The following FOXP2 variants were observed in gnomAD, a reference collection of about 807,000 sequenced individuals.
The protein encoded by FOXP2 is forkhead box P2.
FOXP2 carries 12 observed loss-of-function variants against 115.8 expected under a neutral mutation model. The observed-to-expected ratio is 0.10, with a 90% CI of 0.07 to 0.17. FOXP2 has a LOEUF of 0.17. Ranked by LOEUF, FOXP2 falls within the 10% of genes least tolerant of loss-of-function variation. The pLI is 1.00. For synonymous variants in FOXP2, 328 were observed against 297.7 expected (o/e 1.10, Z -1.05); for missense variants, 629 against 843.5 (o/e 0.75, Z 3.15).
At chr7:114,642,114 A>G (rs889237998) in intron 6 of FOXP2, among the ~76,000 whole-genome samples, 3 of 151,848 alleles carry the variant, frequency 2.0e-5, no homozygotes, top group Non-Finnish European at 2.9e-5. Flanking sequence ...CCCTAGTTCA[A>G]TTTTTAAATG....
Position 114,658,329 on chromosome 7 carries a change from A to G in FOXP2, c.1468+62A>G, listed in dbSNP as rs1407127029. 7 of 1,516,210 alleles carry G rather than the reference A, an allele frequency of 4.6e-6. No homozygotes were observed. The East Asian group carries it at 1.6e-4, about 35-fold the overall frequency. 93.9% of individuals were successfully genotyped at this position (1,516,210 alleles called of 1,614,324 possible). A position where few individuals can be genotyped will look rare whatever the true frequency, so the allele number is the denominator to read the frequency against. On this transcript the variant is annotated intron_variant, in intron 11 of 16. Coordinates refer to ENST00000350908, the MANE Select transcript of FOXP2 (RefSeq NM_014491.4). ...GGGAGAGGAAAACTGTAGCTGAATC[A>G]ACTGTACATGAGCCATTCCAGAGCA...
intron 2 of FOXP2, among the ~76,000 whole-genome samples, chr7:114,341,372 A>G (rs769573329): frequency 2.6e-5 from 4 of 151,282 alleles, no homozygotes; most frequent in Non-Finnish European, 5.9e-5. Flanking sequence ...GCAAAAACAT[A>G]TATAGTATGT....
chr7:114,425,314 A>G (rs1169940040), intron 1 of FOXP2, among the ~76,000 whole-genome samples: 2 of 151,636 alleles, frequency 1.3e-5, no homozygotes, highest in African/African-American at 4.8e-5. Flanking sequence ...TTACTGTTAA[A>G]GTCACAGCAC....
chr7:114,184,058 A>G (rs1238068355), intron 1 of FOXP2, among the ~76,000 whole-genome samples: 2 of 152,214 alleles, frequency 1.3e-5, no homozygotes, highest in East Asian at 3.8e-4. Flanking sequence ...TTTCAAGTTT[A>G]CAGATGCTTA....
At position 114,453,621 on chromosome 7, in the gene FOXP2, C is replaced by T. The variant is rs542984628; in HGVS notation, c.168+26942C>T. 5.3e-5 allele frequency among the ~76,000 whole-genome samples: 8 copies of T among 152,230 alleles called. No homozygotes were observed. The South Asian group carries it at 6.2e-4, about 12-fold the overall frequency. On this transcript the variant is annotated intron_variant, in intron 2 of 16. Coordinates refer to ENST00000350908, the MANE Select transcript of FOXP2 (RefSeq NM_014491.4). The stretch of plus-strand genomic sequence containing the variant: ...GTCTTACTTCCTGGACCAAGAGATA[C>T]ATTGACAACTAGTAAGTCTCTTGTC...
At chr7:114,203,985 TA>T (rs1563004134) in intron 1 of FOXP2, among the ~76,000 whole-genome samples, 2 of 152,266 alleles carry the variant, frequency 1.3e-5, no homozygotes, top group Middle Eastern at 3.4e-3. Flanking sequence ...TACATGTTTT[TA>T]AAAAAATCCA....
intron 2 of FOXP2, among the ~76,000 whole-genome samples, chr7:114,500,878 A>G (rs1322788182): frequency 6.6e-6 from 1 of 152,192 alleles, no homozygotes; most frequent in Non-Finnish European, 1.5e-5. Flanking sequence ...AACTAATTTA[A>G]TTGTGCCTAT....
At chr7:114,413,721 A>T (rs548411317), upstream of FOXP2, among the ~76,000 whole-genome samples, 1 of 152,130 alleles carries the variant, frequency 6.6e-6, no homozygotes, top group Non-Finnish European at 1.5e-5. Context: ...TATTTTAAGT[A>T]CTTCTTTATA....
chr7:114,533,068 T>A (rs188723908), intron 2 of FOXP2, among the ~76,000 whole-genome samples: 1 of 152,102 alleles, frequency 6.6e-6, no homozygotes, highest in African/African-American at 2.4e-5. Context: ...GTGCCATCCT[T>A]AGAAATATTT....
chr7:114,385,577 G>A (rs576367812), intron 2 of FOXP2, among the ~76,000 whole-genome samples: 68 of 152,276 alleles, frequency 4.5e-4, no homozygotes, highest in Admixed American at 1.3e-3. Context: ...CGCAGTAGAA[G>A]GGTTGGGGGT....
At chr7:114,086,605 G>A (rs1486015169), upstream of FOXP2, 1 of 406,058 alleles carries the variant, frequency 2.5e-6, no homozygotes, top group South Asian at 1.7e-5. Flanking sequence ...CGGCGTCCCC[G>A]GTCGCGGTAA....
chr7:114,195,720 T>A (rs1273945760), intron 1 of FOXP2, among the ~76,000 whole-genome samples: 1 of 152,188 alleles, frequency 6.6e-6, no homozygotes, highest in Non-Finnish European at 1.5e-5. Flanking sequence ...AGGGTTATAT[T>A]GGTTTACATT....
intron 2 of FOXP2, among the ~76,000 whole-genome samples, chr7:114,465,698 A>G (rs1323716509): frequency 6.6e-6 from 1 of 152,210 alleles, no homozygotes; most frequent in Non-Finnish European, 1.5e-5. Context: ...CAGCCTATCC[A>G]ATCTTAGATT....
At chr7:114,491,423 T>G (rs1265641716) in intron 2 of FOXP2, among the ~76,000 whole-genome samples, 1 of 151,948 alleles carries the variant, frequency 6.6e-6, no homozygotes, top group Non-Finnish European at 1.5e-5. Flanking sequence ...GTCAGATGAG[T>G]AGATTGCAAA....
At chr7:114,596,454 C>T (rs10085693) in intron 3 of FOXP2, among the ~76,000 whole-genome samples, 21,356 of 152,056 alleles carry the variant, frequency 0.14, 1,893 homozygotes, top group African/African-American at 0.25. Flanking sequence ...AGAGAGCTTT[C>T]TGAAGCAGAT....
chr7:114,470,153 G>A (rs1443993516), intron 2 of FOXP2, among the ~76,000 whole-genome samples: 1 of 152,104 alleles, frequency 6.6e-6, no homozygotes, highest in African/African-American at 2.4e-5. Flanking sequence ...ATTGTCTCCT[G>A]GCTCCCTGCA....
Position 114,496,695 on chromosome 7 carries a change from G to C in FOXP2, c.169-37922G>C, listed in dbSNP as rs551302214. Among the ~76,000 whole-genome samples, 291 of 152,116 alleles carry C rather than the reference G, an allele frequency of 1.9e-3. 3 individuals carry two copies. Among genetic ancestry groups the C allele is most frequent in the Middle Eastern group, 0.017 (5 of 294 alleles). Reference sequence around the variant, plus strand: ...CCACAACTTCAGCAAATGTATAGAAGGTTCATCTTAAGACCTAAAGTTACT... The same window carrying C: ...CCACAACTTCAGCAAATGTATAGAACGTTCATCTTAAGACCTAAAGTTACT... On this transcript the variant is annotated intron_variant, in intron 2 of 16. Transcript: ENST00000350908.
chr7:114,555,035 A>G (rs1254289287), intron 3 of FOXP2, among the ~76,000 whole-genome samples: 18 of 152,222 alleles, frequency 1.2e-4, no homozygotes, highest in Non-Finnish European at 2.9e-5. Flanking sequence ...AAAGAAGACC[A>G]AGGAATCAAC....
At chr7:114,323,995 G>C (rs1012441067) in intron 2 of FOXP2, among the ~76,000 whole-genome samples, 4 of 151,854 alleles carry the variant, frequency 2.6e-5, no homozygotes, top group Middle Eastern at 6.8e-3. Context: ...TCAATATTTT[G>C]GAACTAAGAT....
Sources: allele counts gnomAD v4.1 joint callset (sites outside exome capture counted in the v4.1 genomes callset), GRCh38; gene constraint gnomAD v4.1.1; transcripts MANE v1.5; gene names NCBI Gene and HGNC (gene_info 2026-07-23, HGNC 2026-07-21).